ZNF469: variants seen among roughly 807,000 people sequenced by gnomAD.
ZNF469 encodes the protein zinc finger protein 469.
A neutral mutation model predicts 1.0 loss-of-function variants in ZNF469; 1 was observed. The ratio of observed to expected loss-of-function variants is 1.00; its 90% CI spans 0.35 to 4.73. The LOEUF is 4.73. Ranked by LOEUF, ZNF469 falls within the 30% of genes most tolerant of loss-of-function variation. The pLI is 0.16. For synonymous variants in ZNF469, 2,703 were observed against 2,363.4 expected (o/e 1.14, Z -4.17); for missense variants, 6,100 against 5,356.3 (o/e 1.14, Z -4.33).
the ZNF469 span, among the ~76,000 whole-genome samples, chr16:88,318,842 G>T: frequency 1.3e-5 from 2 of 152,220 alleles, no homozygotes; most frequent in Admixed American, 1.3e-4. Flanking sequence ...AAGCCCCAGC[G>T]TCCAGACGGC....
Position 88,436,695 on chromosome 16 carries a change from C to G in ZNF469, c.9225C>G (p.Phe3075Leu). The G allele has an allele frequency of 6.5e-7, 1 of 1,550,028 alleles. No homozygotes were observed. The highest frequency in any genetic ancestry group is 2.4e-5 in the East Asian group (1 of 40,922). The change falls in exon 3 of 3, where the codon TTC (phenylalanine) becomes TTG (leucine). Residue 3075 changes from phenylalanine to leucine, a missense_variant. Physicochemically the swap from Phe to Leu is conservative, Grantham distance 22 (BLOSUM62 0). Transcript: ENST00000565624. ...EDPVGLPGPS[F>L]LDFEGTASSQ... Reference sequence around the variant, plus strand: ...CCGTGGGTCTCCCCGGCCCCAGCTTCTTAGACTTCGAGGGCACGGCGAGCT... The same window carrying G: ...CCGTGGGTCTCCCCGGCCCCAGCTTGTTAGACTTCGAGGGCACGGCGAGCT...
the ZNF469 span, among the ~76,000 whole-genome samples, chr16:88,242,872 C>T: frequency 2.0e-5 from 3 of 152,230 alleles, no homozygotes; most frequent in Non-Finnish European, 4.4e-5. Flanking sequence ...TCACCCCTGC[C>T]TGCCAGGGCT....
the ZNF469 span, among the ~76,000 whole-genome samples, chr16:88,285,337 G>T: frequency 6.6e-6 from 1 of 152,266 alleles, no homozygotes; most frequent in South Asian, 2.1e-4. Context: ...ACTGCTGAGC[G>T]GTCTCTAACC....
intron 1 of ZNF469, among the ~76,000 whole-genome samples, chr16:88,408,432 G>A (rs572917089): frequency 1.3e-5 from 2 of 152,350 alleles, no homozygotes; most frequent in South Asian, 2.1e-4. Context: ...GATTTCAGGC[G>A]TGAGCCACCG....
chr16:88,166,182 A>G, the ZNF469 span, among the ~76,000 whole-genome samples: 1 of 152,300 alleles, frequency 6.6e-6, no homozygotes, highest in African/African-American at 2.4e-5. This position sits in a 1 kb window ranked among gnomAD's most constrained non-coding sequence, Gnocchi z 4.5. Flanking sequence ...AACATACAGT[A>G]AAGTTGAAAT....
At position 88,431,424 on chromosome 16, in the gene ZNF469, C is replaced by G; in HGVS notation, c.3954C>G (p.Asp1318Glu). 1 of 1,550,236 alleles carries G rather than the reference C, an allele frequency of 6.5e-7. No individual in the cohort carries two copies. The highest frequency in any genetic ancestry group is 8.7e-7 in the Non-Finnish European group (1 of 1,146,964). The change falls in exon 3 of 3, where the codon GAC (aspartate) becomes GAG (glutamate). Residue 1318 changes from aspartate (D) to glutamate (E), a missense_variant. Physicochemically the swap from Asp to Glu is conservative, Grantham distance 45. Transcript: ENST00000565624. ...TQAPVSHNSK[D>E]PPARQPGEFL... ...CCCCAGTCTCCCACAACAGCAAGGA[C>G]CCCCCTGCCCGCCAGCCTGGAGAAT...
chr16:88,204,119 A>C, the ZNF469 span, among the ~76,000 whole-genome samples: 1 of 149,416 alleles, frequency 6.7e-6, no homozygotes, highest in African/African-American at 2.5e-5. Flanking sequence ...AACCCCACAG[A>C]GCAGCCGGAG....
intron 1 of ZNF469, among the ~76,000 whole-genome samples, chr16:88,385,780 G>A (rs1449886926): frequency 6.6e-6 from 1 of 152,176 alleles, no homozygotes; most frequent in African/African-American, 2.4e-5. Context: ...GGCCTTGGGT[G>A]AGTGACCAAA....
At chr16:88,123,814 A>G in the ZNF469 span, among the ~76,000 whole-genome samples, 15 of 151,940 alleles carry the variant, frequency 9.9e-5, no homozygotes, top group Non-Finnish European at 8.8e-5. Flanking sequence ...ACTCTTTTTT[A>G]AATTTTGAGA....
intron 1 of ZNF469, among the ~76,000 whole-genome samples, chr16:88,422,131 G>C (rs905203962): frequency 6.6e-6 from 1 of 151,258 alleles, no homozygotes; most frequent in African/African-American, 2.4e-5. Flanking sequence ...ATAGATGGGT[G>C]AGTGATGGGT....
chr16:88,283,770 C>G, the ZNF469 span, among the ~76,000 whole-genome samples: 2 of 151,524 alleles, frequency 1.3e-5, no homozygotes, highest in Admixed American at 6.6e-5. Context: ...CGAGTCTGCC[C>G]GAGGTCTGCG....
At chr16:88,196,808 G>GAA in the ZNF469 span, among the ~76,000 whole-genome samples, 1 of 152,180 alleles carries the variant, frequency 6.6e-6, no homozygotes. Flanking sequence ...AGGAGCCGGA[G>GAA]ACTGAGCACT....
At chr16:88,267,271 A>T in the ZNF469 span, among the ~76,000 whole-genome samples, 1 of 152,120 alleles carries the variant, frequency 6.6e-6, no homozygotes, top group African/African-American at 2.4e-5. Context: ...TCCACCCGTC[A>T]CCACATCGAT....
the ZNF469 span, among the ~76,000 whole-genome samples, chr16:88,184,489 C>T: frequency 6.6e-6 from 1 of 151,812 alleles, no homozygotes; most frequent in Non-Finnish European, 1.5e-5. Context: ...CTGCTCCTGG[C>T]GTTCGGTTTG....
At chr16:88,245,403 C>T in the ZNF469 span, among the ~76,000 whole-genome samples, 1 of 152,268 alleles carries the variant, frequency 6.6e-6, no homozygotes, top group Non-Finnish European at 1.5e-5. Context: ...GATGCGTAGG[C>T]TCTTGGCCTC....
At chr16:88,345,916 C>A in the ZNF469 span, among the ~76,000 whole-genome samples, 1 of 152,142 alleles carries the variant, frequency 6.6e-6, no homozygotes, top group African/African-American at 2.4e-5. Context: ...GCTCCCTCGT[C>A]GAATATCACT....
In ZNF469 at chr16:88,430,343, T is replaced by C. The variant is rs370402083; in HGVS notation, c.2873T>C (p.Leu958Pro). The change falls in exon 3 of 3, where the codon CTG becomes CCG. Residue 958 changes from leucine to proline, a missense_variant. Transcript: ENST00000565624. ...GKQLKLFRKD[L>P]DSGGAAEGSG... ...CAGTTGAAGCTGTTCCGGAAGGATC[T>C]GGACTCGGGCGGCGCAGCAGAGGGG... 97 of 1,513,670 alleles carry C rather than the reference T, an allele frequency of 6.4e-5. No individual in the cohort carries two copies. The East Asian group carries it at 1.4e-3, about 22-fold the overall frequency. 93.8% of individuals were successfully genotyped at this position (1,513,670 alleles called of 1,614,324 possible). A position where few individuals can be genotyped will look rare whatever the true frequency, so the allele number is the denominator to read the frequency against.
chr16:88,406,866 C>T (rs1219055609), intron 1 of ZNF469, among the ~76,000 whole-genome samples: 1 of 152,192 alleles, frequency 6.6e-6, no homozygotes, highest in East Asian at 1.9e-4. Flanking sequence ...CCCCCGTCGG[C>T]CCCCAGGTCT....
chr16:88,437,541 G>A lies in ZNF469; in HGVS notation c.10071G>A (p.Ala3357=). The change falls in exon 3 of 3, where the codon GCG becomes GCA. Residue 3357 remains alanine, a synonymous_variant. Transcript: ENST00000565624. Reference sequence around the variant, plus strand: ...CCTTCAAGCTGCAGCGCCACCTGGCGGTGCACAGCCCGCAGCGCGTCTACC... The same window carrying A: ...CCTTCAAGCTGCAGCGCCACCTGGCAGTGCACAGCCCGCAGCGCGTCTACC... ...PKPFKLQRHL[A]VHSPQRVYLC... The A allele has an allele frequency of 1.9e-6, 3 of 1,541,490 alleles. No homozygotes were observed. Among genetic ancestry groups the A allele is most frequent in the Non-Finnish European group, 2.6e-6 (3 of 1,140,936 alleles).
Sources: gnomAD v4.1 joint callset for allele counts (sites outside exome capture counted in the v4.1 genomes callset) on GRCh38, gnomAD v4.1.1 for gene constraint, Gnocchi (gnomAD v3.1) non-coding constraint, MANE v1.5 for transcripts, NCBI Gene and HGNC (gene_info 2026-07-23, HGNC 2026-07-21) for gene names.